The following PPIL6 variants were observed in gnomAD, a reference collection of about 807,000 sequenced individuals.
The protein encoded by PPIL6 is probable inactive peptidyl-prolyl cis-trans isomerase-like 6.
PPIL6 carries 39 observed loss-of-function variants against 36.8 expected under a neutral mutation model. That is an observed-to-expected ratio of 1.06 (90% CI 0.82 to 1.38). PPIL6 has a LOEUF of 1.38. PPIL6 is among the 40% of genes most tolerant of loss of function. The pLI, the probability that PPIL6 is intolerant of heterozygous loss-of-function variation, is 0.00. For missense variants in PPIL6, 368 were observed against 379.1 expected (o/e 0.97, Z 0.24); for synonymous variants, 123 against 134.1 (o/e 0.92, Z 0.57).
intron 6 of PPIL6, among the ~76,000 whole-genome samples, chr6:109,406,447 G>C (rs1362662534): frequency 6.6e-6 from 1 of 152,134 alleles, no homozygotes; most frequent in Non-Finnish European, 1.5e-5. Flanking sequence ...GGCTTAGTCA[G>C]ACTCATATTC....
chr6:109,421,076 A>C lies in PPIL6; in HGVS notation c.632-1833T>G, dbSNP rs561319787. Among the ~76,000 whole-genome samples the C allele has an allele frequency of 3.3e-5, 5 of 152,268 alleles. No homozygotes were observed. In the East Asian group the frequency reaches 9.7e-4, roughly 29 times the overall value. On this transcript the variant is annotated intron_variant, in intron 5 of 7. Coordinates refer to ENST00000521072, the MANE Select transcript of PPIL6 (RefSeq NM_173672.5). ...TCCTAGGGGTTGGTTCTCTCAGGGA[A>C]ATCCACCCAGGTGGTCTTCTCCCCT...
At position 109,431,148 on chromosome 6, in the gene PPIL6, A is replaced by T; in HGVS notation, c.420+9T>A. ...CCACAATTTTTCTTTAAAAGTTAGT[A>T]TAACTTGCCTTGGTGTCTCTTAAGA... is the stretch of plus-strand genomic sequence containing the variant. On this transcript the variant is annotated intron_variant, in intron 3 of 7. Transcript: ENST00000521072. The T allele has an allele frequency of 6.3e-7, 1 of 1,582,626 alleles. No homozygotes were observed. Among genetic ancestry groups the T allele is most frequent in the South Asian group, 1.1e-5 (1 of 87,742 alleles).
intron 6 of PPIL6, among the ~76,000 whole-genome samples, chr6:109,401,010 C>A (rs1222743767): frequency 6.6e-6 from 1 of 151,120 alleles, no homozygotes; most frequent in African/African-American, 2.4e-5. Context: ...CAGGCGCCCG[C>A]CACCATGCCC....
Position 109,440,570 on chromosome 6 carries a change from G to C in PPIL6, c.21C>G (p.Cys7Trp). The change falls in exon 1 of 8, where the codon TGC (cysteine) becomes TGG (tryptophan). Residue 7 changes from cysteine (C) to tryptophan (W), a missense_variant. Transcript: ENST00000521072. MARPQPCGPPHARCGSP... is the reference protein window; with the variant it reads MARPQPWGPPHARCGSP... ...AGCCGCACCTAGCGTGCGGGGGCCC[G>C]CACGGCTGCGGCCTTGCCATGGCCG... 7.0e-7 allele frequency: 1 copy of C among 1,435,540 alleles called. No homozygotes were observed. Among genetic ancestry groups the C allele is most frequent in the Non-Finnish European group, 9.1e-7 (1 of 1,097,778 alleles). The allele number at this position is 1,435,540 out of a possible 1,614,324, so 88.9% of individuals were successfully genotyped here.
In PPIL6 at chr6:109,392,815, T is replaced by G. The variant is rs749474726; in HGVS notation, c.*11A>C. On this transcript the variant is annotated 3_prime_UTR_variant, in exon 8 of 8. Transcript: ENST00000521072. ...AGTAATAAATTATCACAGAAAATATTGATATGAAAATCAAGCATAAGGATC... is the reference window on the plus strand; with the variant it reads ...AGTAATAAATTATCACAGAAAATATGGATATGAAAATCAAGCATAAGGATC... The G allele has an allele frequency of 2.3e-6, 3 of 1,330,954 alleles. No homozygotes were observed. Among genetic ancestry groups the G allele is most frequent in the Non-Finnish European group, 3.2e-6 (3 of 943,000 alleles). 82.4% of individuals were successfully genotyped at this position (1,330,954 alleles called of 1,614,324 possible).
intron 6 of PPIL6, among the ~76,000 whole-genome samples, chr6:109,406,208 G>A (rs1286471920): frequency 1.4e-5 from 2 of 146,912 alleles, no homozygotes; most frequent in African/African-American, 5.2e-5. Flanking sequence ...ATGCCACCAC[G>A]CCCAGCTAAT....
At chr6:109,419,047 C>T (rs560824282) in intron 6 of PPIL6, 140 bp downstream of exon 6, 11 of 612,014 alleles carry the variant, frequency 1.8e-5, no homozygotes, top group Middle Eastern at 3.9e-4. Context: ...CGCTTCCCCC[C>T]GATCTGCTCA....
chr6:109,400,037 A>C lies in PPIL6; in HGVS notation c.822T>G (p.Phe274Leu), dbSNP rs1447986322. 2.5e-6 allele frequency: 4 copies of C among 1,610,138 alleles called. No homozygotes were observed. The highest frequency in any genetic ancestry group is 3.4e-6 in the Non-Finnish European group (4 of 1,177,522). ...TPYLDRKFVA[F>L]GQLIEGTEVL... ...AAATAGATCTACAATATACATACCC[A>C]AAAGCCACAAATTTTCTATCTAGAT... Residue 274 changes from phenylalanine (F) to leucine (L), a missense_variant and splice_region_variant, in exon 7 of 8, where the codon TTT becomes TTG. Coordinates refer to ENST00000521072, the MANE Select transcript of PPIL6 (RefSeq NM_173672.5).
intron 7 of PPIL6, among the ~76,000 whole-genome samples, chr6:109,396,094 C>G (rs1772295348): frequency 6.6e-6 from 1 of 152,136 alleles, no homozygotes. Context: ...CTCGGACTCC[C>G]AAAGTGCTTC....
intron 1 of PPIL6, chr6:109,440,254 G>A (rs762963668): frequency 8.0e-5 from 55 of 690,712 alleles, no homozygotes; most frequent in Admixed American, 6.7e-4. Context: ...TGGAACGCCC[G>A]CCCCCGGACC....
Position 109,436,179 on chromosome 6 carries a change from T to C in PPIL6, c.156A>G (p.Pro52=), listed in dbSNP as rs1422669023. ...CTAATATAGGATCTTCAAATTTGGATGGATGATTATTCTTCAGATTCTGGA... is the reference window on the plus strand; with the variant it reads ...CTAATATAGGATCTTCAAATTTGGACGGATGATTATTCTTCAGATTCTGGA... ...SAAENLKNNH[P]SKFEDPILVP... Residue 52 remains proline, a synonymous_variant, in exon 2 of 8, where the codon CCA becomes CCG. Transcript: ENST00000521072. 8 of 1,557,122 alleles carry C rather than the reference T, an allele frequency of 5.1e-6. No individual in the cohort carries two copies. Among genetic ancestry groups the C allele is most frequent in the African/African-American group, 1.4e-5 (1 of 73,910 alleles).
At chr6:109,429,694 G>T (rs1774024440) in intron 3 of PPIL6, among the ~76,000 whole-genome samples, 1 of 152,162 alleles carries the variant, frequency 6.6e-6, no homozygotes, top group South Asian at 2.1e-4. Context: ...GTGTGAACAA[G>T]GGCCAGCAGT....
Position 109,392,888 on chromosome 6 carries a change from T to C in PPIL6, c.874A>G (p.Thr292Ala), listed in dbSNP as rs760133808. ...ATATGTATTGGTCTTTCATTCTGTGTTGGAACTAATTCTAGTTGTTTAAGC... is the reference window on the plus strand; with the variant it reads ...ATATGTATTGGTCTTTCATTCTGTGCTGGAACTAATTCTAGTTGTTTAAGC... ...EVLKQLELVP[T>A]QNERPIHMCR... The change falls in exon 8 of 8, where the codon ACA (threonine) becomes GCA (alanine). Residue 292 changes from threonine to alanine, a missense_variant. Physicochemically the swap from Thr to Ala is moderately conservative, Grantham distance 58. Transcript: ENST00000521072. 6.2e-7 allele frequency: 1 copy of C among 1,612,194 alleles called. No individual in the cohort carries two copies. Among genetic ancestry groups the C allele is most frequent in the South Asian group, 1.1e-5 (1 of 90,806 alleles).
intron 2 of PPIL6, among the ~76,000 whole-genome samples, chr6:109,435,500 G>A (rs1456282337): frequency 6.6e-6 from 1 of 152,016 alleles, no homozygotes; most frequent in Non-Finnish European, 1.5e-5. Context: ...GTTTCACCAC[G>A]TTGGCCAGGA....
At chr6:109,438,792 T>A (rs974700365) in intron 1 of PPIL6, among the ~76,000 whole-genome samples, 1 of 152,162 alleles carries the variant, frequency 6.6e-6, no homozygotes, top group African/African-American at 2.4e-5. Flanking sequence ...TTTCACCATG[T>A]TGGCCAGGCT....
intron 3 of PPIL6, among the ~76,000 whole-genome samples, 188 bp downstream of exon 3, chr6:109,430,969 G>A (rs920185943): frequency 6.6e-6 from 1 of 152,188 alleles, no homozygotes; most frequent in Non-Finnish European, 1.5e-5. Flanking sequence ...CAGCCCACGG[G>A]CTGTGAGACA....
At chr6:109,437,991 G>A (rs2115300398) in intron 1 of PPIL6, among the ~76,000 whole-genome samples, 1 of 152,262 alleles carries the variant, frequency 6.6e-6, no homozygotes, top group East Asian at 1.9e-4. Context: ...AAATGAAAAT[G>A]TATGCAATAT....
chr6:109,415,458 T>C (rs1773207909), intron 6 of PPIL6, among the ~76,000 whole-genome samples: 1 of 152,158 alleles, frequency 6.6e-6, no homozygotes, highest in Non-Finnish European at 1.5e-5. Flanking sequence ...TTTGAATGCC[T>C]CTGCTGTGGT....
chr6:109,437,729 A>G (rs1432694958), intron 1 of PPIL6, among the ~76,000 whole-genome samples: 1 of 151,628 alleles, frequency 6.6e-6, no homozygotes, highest in Non-Finnish European at 1.5e-5. Flanking sequence ...TAATTTTTGC[A>G]TTTTTAGCAG....
Sources: allele counts gnomAD v4.1 joint callset (sites outside exome capture counted in the v4.1 genomes callset), GRCh38; gene constraint gnomAD v4.1.1; transcripts MANE v1.5; gene names NCBI Gene and HGNC (gene_info 2026-07-23, HGNC 2026-07-21).